Variants in SEMA3D observed in about 807,000 individuals in gnomAD.
SEMA3D encodes semaphorin-3D.
SEMA3D carries 84 observed loss-of-function variants against 100.1 expected under a neutral mutation model. The ratio of observed to expected loss-of-function variants is 0.84; its 90% confidence interval spans 0.70 to 1.01. The LOEUF (loss-of-function observed/expected upper bound fraction) is 1.01, where lower values mean the gene tolerates loss of function less well. Among genes scored for constraint, SEMA3D ranks in the 50% least tolerant of loss-of-function variants. The pLI, the probability that SEMA3D is intolerant of heterozygous loss-of-function variation, is 0.00. For missense variants in SEMA3D, 875 were observed against 934.1 expected (o/e 0.94, Z 0.82); for synonymous variants, 312 against 320.7 (o/e 0.97, Z 0.29).
At chr7:85,216,496 A>C in the SEMA3D span, among the ~76,000 whole-genome samples, 1 of 151,980 alleles carries the variant, frequency 6.6e-6, no homozygotes, top group African/African-American at 2.4e-5. Context: ...AATTTAGTAA[A>C]ATTAATATTT....
intron 2 of SEMA3D, among the ~76,000 whole-genome samples, chr7:85,138,020 C>T (rs1371862834): frequency 6.6e-6 from 1 of 152,076 alleles, no homozygotes; most frequent in Non-Finnish European, 1.5e-5. Context: ...ATTTTACATG[C>T]CTCTTACCTC....
At chr7:85,079,308 C>T (rs1787983419) in intron 5 of SEMA3D, among the ~76,000 whole-genome samples, 1 of 152,070 alleles carries the variant, frequency 6.6e-6, no homozygotes, top group Admixed American at 6.6e-5. Flanking sequence ...TAAAATGAAA[C>T]ATTATTTTAA....
chr7:85,072,080 G>C (rs1430589053), intron 6 of SEMA3D, among the ~76,000 whole-genome samples: 1 of 152,142 alleles, frequency 6.6e-6, no homozygotes, highest in African/African-American at 2.4e-5. Flanking sequence ...AATGACACTG[G>C]CTTTATTAAG....
intron 5 of SEMA3D, among the ~76,000 whole-genome samples, chr7:85,077,735 C>T (rs764020508): frequency 5.9e-5 from 9 of 152,024 alleles, no homozygotes; most frequent in Non-Finnish European, 1.0e-4. Context: ...TAGGTAAATA[C>T]ACCCTCCCTT....
intron 1 of SEMA3D, among the ~76,000 whole-genome samples, chr7:85,182,876 GAAT>G (rs553019638): frequency 4.1e-4 from 63 of 152,236 alleles, no homozygotes; most frequent in African/African-American, 1.4e-3. Flanking sequence ...TTTAGAGGAA[GAAT>G]AATAATAACT....
intron 12 of SEMA3D, among the ~76,000 whole-genome samples, chr7:85,034,264 G>A (rs1037642826): frequency 1.3e-5 from 2 of 152,020 alleles, no homozygotes; most frequent in Non-Finnish European, 2.9e-5. Context: ...AATGAAATGA[G>A]TAAGTACAGC....
At chr7:85,043,433 T>A (rs976654332) in intron 9 of SEMA3D, among the ~76,000 whole-genome samples, 2 of 152,188 alleles carry the variant, frequency 1.3e-5, no homozygotes, top group African/African-American at 2.4e-5. Context: ...TTATTTTTAC[T>A]CTGAAATGGT....
chr7:85,098,371 C>T (rs766644582), intron 3 of SEMA3D, among the ~76,000 whole-genome samples: 1 of 151,558 alleles, frequency 6.6e-6, no homozygotes, highest in Non-Finnish European at 1.5e-5. Flanking sequence ...TATTTTACAA[C>T]CCTGTGTTCA....
At chr7:85,103,793 G>A (rs762980932) in intron 3 of SEMA3D, among the ~76,000 whole-genome samples, 15 of 151,904 alleles carry the variant, frequency 9.9e-5, no homozygotes, top group Admixed American at 3.3e-4. Flanking sequence ...GCAAGGACAC[G>A]ATTTTTTATT....
chr7:85,065,629 G>T (rs1791596943), intron 7 of SEMA3D, 77 bp from the exon 8 acceptor site: 2 of 1,051,594 alleles, frequency 1.9e-6, no homozygotes, highest in Admixed American at 1.9e-5. Flanking sequence ...AAATTTCACA[G>T]CATGACACCA....
intron 3 of SEMA3D, among the ~76,000 whole-genome samples, chr7:85,104,177 C>G (rs914401281): frequency 6.6e-6 from 1 of 151,998 alleles, no homozygotes; most frequent in Non-Finnish European, 1.5e-5. Flanking sequence ...TCTAAGAATA[C>G]CAGGTATCTG....
chr7:85,183,830 T>A lies in SEMA3D; in HGVS notation c.-173+2848A>T, dbSNP rs1032604647. On this transcript the variant is annotated intron_variant, in intron 1 of 18. Coordinates refer to ENST00000284136, the MANE Select transcript of SEMA3D (RefSeq NM_001384900.1). Reference sequence around the variant, plus strand: ...AACATCAACAGGAAAGTAACCAGAGTGAACTACAAAAGTGAACCAATGGTA... The same window carrying A: ...AACATCAACAGGAAAGTAACCAGAGAGAACTACAAAAGTGAACCAATGGTA... 2.0e-5 allele frequency among the ~76,000 whole-genome samples: 3 copies of A among 152,184 alleles called. No individual in the cohort carries two copies. In the East Asian group the frequency reaches 5.8e-4, roughly 29 times the overall value.
intron 2 of SEMA3D, among the ~76,000 whole-genome samples, chr7:85,132,757 C>A (rs997343220): frequency 6.6e-6 from 1 of 151,726 alleles, no homozygotes; most frequent in Non-Finnish European, 1.5e-5. Context: ...TTTATATATG[C>A]CTTCACATGA....
In SEMA3D at chr7:84,999,204, C is replaced by T. The variant is rs780543448; in HGVS notation, c.*236G>A. ...ATAAAACATTTACAACTGTAAACCC[C>T]CTATTTTTAGGATAATTCTTATACT... On this transcript the variant is annotated 3_prime_UTR_variant, in exon 19 of 19. Coordinates refer to ENST00000284136, the MANE Select transcript of SEMA3D (RefSeq NM_001384900.1). 2.5e-4 allele frequency: 127 copies of T among 508,494 alleles called. No homozygotes were observed. Among genetic ancestry groups the T allele is most frequent in the Non-Finnish European group, 3.2e-4 (93 of 288,102 alleles). 31.5% of individuals were successfully genotyped at this position (508,494 alleles called of 1,614,324 possible). A position where few individuals can be genotyped will look rare whatever the true frequency, so the allele number is the denominator to read the frequency against.
chr7:85,037,265 G>A (rs1178112175), intron 11 of SEMA3D, among the ~76,000 whole-genome samples: 4 of 152,170 alleles, frequency 2.6e-5, no homozygotes, highest in Non-Finnish European at 5.9e-5. Flanking sequence ...AGTAGAACAT[G>A]CATGGGTACC....
At chr7:85,236,284 T>TTA in the SEMA3D span, among the ~76,000 whole-genome samples, 19 of 112,482 alleles carry the variant, frequency 1.7e-4, no homozygotes, top group Non-Finnish European at 3.5e-4. Context: ...TATTTTATTT[T>TTA]ATTTATTTAT....
At chr7:85,000,702 G>A (rs1789632967) in intron 18 of SEMA3D, among the ~76,000 whole-genome samples, 1 of 152,216 alleles carries the variant, frequency 6.6e-6, no homozygotes, top group South Asian at 2.1e-4. Flanking sequence ...CTACTGAAAT[G>A]TGATGCTCTC....
chr7:85,035,322 C>G (rs1374496099), intron 12 of SEMA3D, among the ~76,000 whole-genome samples: 1 of 151,054 alleles, frequency 6.6e-6, no homozygotes, highest in Non-Finnish European at 1.5e-5. Flanking sequence ...TATATAATAT[C>G]TTTATATGTG....
At chr7:85,060,138 A>G (rs530348287) in intron 8 of SEMA3D, among the ~76,000 whole-genome samples, 2 of 152,296 alleles carry the variant, frequency 1.3e-5, no homozygotes, top group South Asian at 4.1e-4. Context: ...TCTCTTAAAT[A>G]TTGGCTCTCT....
Sources: gnomAD v4.1 joint callset for allele counts (sites outside exome capture counted in the v4.1 genomes callset) on GRCh38, gnomAD v4.1.1 for gene constraint, MANE v1.5 for transcripts, NCBI Gene and HGNC (gene_info 2026-07-23, HGNC 2026-07-21) for gene names.